The following ARID3C variants were observed in gnomAD, a reference collection of about 807,000 sequenced individuals.
ARID3C encodes AT-rich interactive domain-containing protein 3C.
Under a neutral mutation model 37.9 loss-of-function variants are expected in ARID3C, and 42 were observed. The ratio of observed to expected loss-of-function variants is 1.11; its 90% confidence interval spans 0.87 to 1.43. The LOEUF (loss-of-function observed/expected upper bound fraction) is 1.43, where lower values mean the gene tolerates loss of function less well. Among genes scored for constraint, ARID3C ranks in the 40% most tolerant of loss-of-function variants. The pLI, the probability that ARID3C is intolerant of heterozygous loss-of-function variation, is 0.00. For missense variants in ARID3C, 581 were observed against 548.8 expected, an observed-to-expected ratio of 1.06 and a Z score of -0.59; for synonymous variants, 213 against 228.0, an observed-to-expected ratio of 0.93 and a Z score of 0.59.
Position 34,624,089 on chromosome 9 carries a change from C to T in ARID3C, c.392-42G>A, listed in dbSNP as rs148741665. ...TGCCGTCAGGACACTGAGACGAAGA[C>T]CCTGTCTGCAGCATCCCCAGGGACT... On this transcript the variant is annotated intron_variant, in intron 2 of 6. Coordinates refer to ENST00000378909, the Ensembl canonical transcript of ARID3C. 2.1e-3 allele frequency: 3,149 copies of T among 1,530,186 alleles called. 43 individuals carry two copies. The African/African-American group carries it at 0.034, about 17-fold the overall frequency. 94.8% of individuals were successfully genotyped at this position (1,530,186 alleles called of 1,614,324 possible). A position where few individuals can be genotyped will look rare whatever the true frequency, so the allele number is the denominator to read the frequency against.
chr9:34,623,214 A>C (rs954865601), intron 4 of ARID3C, among the ~76,000 whole-genome samples: 1 of 151,456 alleles, frequency 6.6e-6, no homozygotes, highest in African/African-American at 2.4e-5. Context: ...CCTACACTTC[A>C]GTAACCCGTA....
chr9:34,629,969 G>T (rs1820708822), upstream of ARID3C, among the ~76,000 whole-genome samples: 1 of 151,994 alleles, frequency 6.6e-6, no homozygotes, highest in African/African-American at 2.4e-5. Flanking sequence ...CACCATTTTG[G>T]CTAGGCTGGT....
chr9:34,625,870 A>T, intron 1 of ARID3C, 56 bp from the exon 3 acceptor site: 1 of 1,595,312 alleles, frequency 6.3e-7, no homozygotes, highest in African/African-American at 1.3e-5. Flanking sequence ...CCCTCCCTTG[A>T]CCCCAATTCA....
chr9:34,629,061 C>A (rs1032444011), upstream of ARID3C, among the ~76,000 whole-genome samples: 1 of 152,048 alleles, frequency 6.6e-6, no homozygotes, highest in African/African-American at 2.4e-5. Context: ...GCTCACTCGC[C>A]GCGCTGCTTG....
At chr9:34,623,998 C>A (rs1284817296) in exon 3 of ARID3C, 2 of 1,601,914 alleles carry the variant, frequency 1.2e-6, no homozygotes, top group Non-Finnish European at 1.7e-6. Flanking sequence ...ACAGAGCGTA[C>A]AGGTCGAGCA....
At chr9:34,625,793 G>T in exon 2 of ARID3C, 6 of 1,613,914 alleles carry the variant, frequency 3.7e-6, no homozygotes, top group Non-Finnish European at 3.4e-6. Context: ...TTCCTCTTGG[G>T]GTCTGCATCG....
intron 6 of ARID3C, 119 bp from the exon 8 acceptor site, chr9:34,621,677 C>T (rs1216593636): frequency 7.9e-6 from 6 of 757,116 alleles, no homozygotes; most frequent in Admixed American, 6.2e-5. Flanking sequence ...CACACGTACC[C>T]CTGCCACAAA....
chr9:34,628,955 C>A (rs920023854), upstream of ARID3C, among the ~76,000 whole-genome samples: 13 of 152,032 alleles, frequency 8.6e-5, no homozygotes, highest in Admixed American at 6.6e-4. The surrounding 1 kb of genome is among the most constrained non-coding windows in gnomAD (Gnocchi z 5.2). Flanking sequence ...GTCTCCACGG[C>A]GCTGCCTTTG....
intron 6 of ARID3C, 98 bp downstream of exon 7, chr9:34,621,922 T>C: frequency 1.7e-6 from 2 of 1,210,394 alleles, no homozygotes; most frequent in Middle Eastern, 1.9e-4. Context: ...AGTTTAGATA[T>C]CCCTGAACTT....
upstream of ARID3C, among the ~76,000 whole-genome samples, chr9:34,632,123 AG>A (rs1354918844): frequency 6.6e-5 from 10 of 152,270 alleles, no homozygotes; most frequent in Non-Finnish European, 1.5e-4. Flanking sequence ...CACCTCTTGA[AG>A]GACAGAGCAT....
chr9:34,621,348 G>T, downstream of ARID3C: 3 of 726,524 alleles, frequency 4.1e-6, no homozygotes, highest in Non-Finnish European at 6.3e-6. Context: ...GGGAGGTGTC[G>T]TCCCCTCCCA....
upstream of ARID3C, chr9:34,628,165 C>T (rs1820685481): frequency 1.9e-6 from 2 of 1,029,216 alleles, no homozygotes; most frequent in African/African-American, 1.6e-5. The surrounding 1 kb of genome is among the most constrained non-coding windows in gnomAD (Gnocchi z 5.2). Context: ...GTCATGGATT[C>T]AGGGAAGTGC....
exon 3 of ARID3C, chr9:34,624,010 C>T (rs750449475): frequency 6.2e-7 from 1 of 1,600,034 alleles, no homozygotes; most frequent in South Asian, 1.1e-5. Context: ...GGTCGAGCAC[C>T]TGCTTCGCCA....
intron 4 of ARID3C, among the ~76,000 whole-genome samples, chr9:34,622,789 G>A (rs1820593665): frequency 6.6e-6 from 1 of 152,180 alleles, no homozygotes; most frequent in African/African-American, 2.4e-5. Context: ...GGTCACAAGA[G>A]GCACAAACTA....
intron 4 of ARID3C, among the ~76,000 whole-genome samples, chr9:34,622,745 G>C (rs1010164840): frequency 6.6e-6 from 1 of 152,222 alleles, no homozygotes; most frequent in Non-Finnish European, 1.5e-5. Flanking sequence ...CAATTTGGGG[G>C]ATTGTTTTTG....
chr9:34,625,826 T>C lies in ARID3C; in HGVS notation c.319-12A>G, dbSNP rs1204494212. On this transcript the variant is annotated splice_polypyrimidine_tract_variant and intron_variant, in intron 1 of 6. Transcript: ENST00000378909. ...TCGAGCTCATACAGCTGGGGAAGGATTGGGGTCATTCTACAGCTCTGCTGA... is the reference window on the plus strand; with the variant it reads ...TCGAGCTCATACAGCTGGGGAAGGACTGGGGTCATTCTACAGCTCTGCTGA... 1 of 1,613,596 alleles carries C rather than the reference T, an allele frequency of 6.2e-7. No individual in the cohort carries two copies. The highest frequency in any genetic ancestry group is 1.3e-5 in the African/African-American group (1 of 74,896).
exon 4 of ARID3C, chr9:34,623,542 A>G (rs772206919): frequency 5.0e-6 from 8 of 1,586,202 alleles, no homozygotes; most frequent in South Asian, 1.1e-5. Context: ...CCGGGACCCA[A>G]GGCTGGGTCC....
chr9:34,624,447 T>C (rs1260544597), intron 2 of ARID3C, among the ~76,000 whole-genome samples: 1 of 152,238 alleles, frequency 6.6e-6, no homozygotes, highest in African/African-American at 2.4e-5. Context: ...ACCATTCTTA[T>C]CTTGCAGGCA....
exon 3 of ARID3C, chr9:34,623,907 G>C: frequency 6.2e-7 from 1 of 1,601,772 alleles, no homozygotes; most frequent in South Asian, 1.1e-5. Flanking sequence ...GTGGTGGGTA[G>C]GCTGAGGCCG....
Sources: allele counts gnomAD v4.1 joint callset (sites outside exome capture counted in the v4.1 genomes callset), GRCh38; gene constraint gnomAD v4.1.1; non-coding constraint Gnocchi (gnomAD v3.1); transcripts MANE v1.5; gene names NCBI Gene and HGNC (gene_info 2026-07-23, HGNC 2026-07-21).